SMCR8: variants seen among roughly 807,000 people sequenced by gnomAD.
SMCR8 encodes SMCR8-C9orf72 complex subunit, also known as guanine nucleotide exchange protein SMCR8.
A neutral mutation model predicts 56.6 loss-of-function variants in SMCR8; 30 were observed. That is an observed-to-expected ratio of 0.53 (90% CI 0.40 to 0.72). The LOEUF (loss-of-function observed/expected upper bound fraction) is 0.72, where lower values mean the gene tolerates loss of function less well. SMCR8 is among the 30% of genes least tolerant of loss of function. SMCR8 has a pLI of 0.00. For synonymous variants in SMCR8, 538 were observed against 456.0 expected (o/e 1.18, Z -2.29); for missense variants, 1,198 against 1,157.0 (o/e 1.04, Z -0.51).
Position 18,315,458 on chromosome 17 carries a change from T to C in SMCR8, c.-332T>C. 1 of 235,036 alleles carries C rather than the reference T, an allele frequency of 4.3e-6. No homozygotes were observed. The highest frequency in any genetic ancestry group is 8.4e-6 in the Non-Finnish European group (1 of 119,232). 14.6% of individuals were successfully genotyped at this position (235,036 alleles called of 1,614,324 possible). ...CCTTGTTCAGAGCGGGGGCTTTTGC[T>C]GTCGCAGTGGGTTCCGGAGAGTGCA... On this transcript the variant is annotated 5_prime_UTR_variant, in exon 1 of 2. Coordinates refer to ENST00000406438, the MANE Select transcript of SMCR8 (RefSeq NM_144775.3).
At chr17:18,322,533 G>A (rs745738593) in intron 1 of SMCR8, 84 bp from the exon 2 acceptor site, 2 of 1,266,374 alleles carry the variant, frequency 1.6e-6, no homozygotes, top group Non-Finnish European at 2.2e-6. Context: ...GCTGGCCTGG[G>A]GACAGGAGGC....
At chr17:18,321,360 G>A (rs530911996) in intron 1 of SMCR8, among the ~76,000 whole-genome samples, 1 of 152,312 alleles carries the variant, frequency 6.6e-6, no homozygotes, top group East Asian at 1.9e-4. Flanking sequence ...ATCAGGTGCA[G>A]TTCTGGGACC....
chr17:18,321,785 T>C (rs1982504576), intron 1 of SMCR8, among the ~76,000 whole-genome samples: 1 of 152,186 alleles, frequency 6.6e-6, no homozygotes. Flanking sequence ...TGAGTCATGA[T>C]CGTGCTACTG....
Position 18,317,313 on chromosome 17 carries a change from C to T in SMCR8, c.1524C>T (p.Ser508=), listed in dbSNP as rs781433641. 257 of 1,613,996 alleles carry T rather than the reference C, an allele frequency of 1.6e-4. No homozygotes were observed. Among genetic ancestry groups the T allele is most frequent in the Non-Finnish European group, 2.0e-4 (241 of 1,180,034 alleles). ...SPQVVRSKAV[S]HRTISEDSIE... is the part of the protein sequence containing the mutation. Reference sequence around the variant, plus strand: ...AGGTGGTCCGGAGCAAAGCAGTCAGCCACAGGACCATCAGCGAGGACAGTA... The same window carrying T: ...AGGTGGTCCGGAGCAAAGCAGTCAGTCACAGGACCATCAGCGAGGACAGTA... Residue 508 remains serine (S), a synonymous_variant, in exon 1 of 2, where the codon AGC becomes AGT. Transcript: ENST00000406438.
Position 18,316,043 on chromosome 17 carries a change from T to C in SMCR8, c.254T>C (p.Phe85Ser). Residue 85 changes from phenylalanine (F) to serine (S), a missense_variant, in exon 1 of 2, where the codon TTT becomes TCT. Phe to Ser is a radical substitution (Grantham distance 155). Coordinates refer to ENST00000406438, the MANE Select transcript of SMCR8 (RefSeq NM_144775.3). ...AATGACACCAAAGTTTTTGGCACTT[T>C]TGATCTCAATTACTTCTCCCTGCGT... Reference protein sequence around the residue: ...IPNDTKVFGTFDLNYFSLRIM... With the variant: ...IPNDTKVFGTSDLNYFSLRIM... 1 of 1,614,154 alleles carries C rather than the reference T, an allele frequency of 6.2e-7. No homozygotes were observed. The highest frequency in any genetic ancestry group is 8.5e-7 in the Non-Finnish European group (1 of 1,180,028).
Position 18,316,513 on chromosome 17 carries a change from T to A in SMCR8, c.724T>A (p.Ser242Thr). ...CAATGAACTGGCCAGTGTGGAGAAG[T>A]CCATCATTGAACATCAAGACCTGCT... Reference protein sequence around the residue: ...KANELASVEKSIIEHQDLLKQ... With the variant: ...KANELASVEKTIIEHQDLLKQ... Residue 242 changes from serine to threonine, a missense_variant, in exon 1 of 2, where the codon TCC becomes ACC. Ser to Thr is a moderately conservative substitution (Grantham distance 58). Coordinates refer to ENST00000406438, the MANE Select transcript of SMCR8 (RefSeq NM_144775.3). 6.2e-7 allele frequency: 1 copy of A among 1,614,104 alleles called. No homozygotes were observed. Among genetic ancestry groups the A allele is most frequent in the Non-Finnish European group, 8.5e-7 (1 of 1,180,020 alleles).
rs1982704456 is a variant in SMCR8 at position 18,327,488 on chromosome 17, T to A, written c.*4418T>A. 6.6e-6 allele frequency: 1 copy of A among 152,144 alleles called. No individual in the cohort carries two copies. The highest frequency in any genetic ancestry group is 6.5e-5 in the Admixed American group (1 of 15,276). 9.4% of individuals were successfully genotyped at this position (152,144 alleles called of 1,614,324 possible). ...AACTCACAGATTCTGCAGCAGCTGC[T>A]CCACCCACAATAAAGCAAACGCCGA... On this transcript the variant is annotated 3_prime_UTR_variant, in exon 2 of 2. Coordinates refer to ENST00000406438, the MANE Select transcript of SMCR8 (RefSeq NM_144775.3).
In SMCR8 at chr17:18,322,767, C is replaced by G. The variant is rs751616292; in HGVS notation, c.2511C>G (p.Ile837Met). 9 of 1,614,198 alleles carry G rather than the reference C, an allele frequency of 5.6e-6. No individual in the cohort carries two copies. The highest frequency in any genetic ancestry group is 7.6e-6 in the Non-Finnish European group (9 of 1,180,004). The change falls in exon 2 of 2, where the codon ATC becomes ATG. Residue 837 changes from isoleucine to methionine, a missense_variant. Coordinates refer to ENST00000406438, the MANE Select transcript of SMCR8 (RefSeq NM_144775.3). The stretch of plus-strand genomic sequence containing the variant: ...GCCTGGCAGACCACCGCACACAGAT[C>G]AAGCGGGGCAGCACCTACTACCTGC... ...VPRLADHRTQ[I>M]KRGSTYYLHV...
At position 18,325,320 on chromosome 17, in the gene SMCR8, T is replaced by C. The variant is rs1982618983; in HGVS notation, c.*2250T>C. 1 of 152,206 alleles carries C rather than the reference T, an allele frequency of 6.6e-6. No individual in the cohort carries two copies. Among genetic ancestry groups the C allele is most frequent in the Non-Finnish European group, 1.5e-5 (1 of 68,050 alleles). The allele number at this position is 152,206 out of a possible 1,614,324, so 9.4% of individuals were successfully genotyped here. On this transcript the variant is annotated 3_prime_UTR_variant, in exon 2 of 2. Transcript: ENST00000406438. ...AAGTGGTCCTAAGTAGAAGTCCACT[T>C]GAGGTATTTGCTGGCACACACCCTC...
chr17:18,317,455 C>T lies in SMCR8; in HGVS notation c.1666C>T (p.Arg556Cys). Residue 556 changes from arginine (R) to cysteine (C), a missense_variant, in exon 1 of 2, where the codon CGC becomes TGC. Arg to Cys is a radical substitution (Grantham distance 180, BLOSUM62 -3). Transcript: ENST00000406438. ...SYPDGNEGAI[R>C]FQASISPPEL... Reference sequence around the variant, plus strand: ...TCCAGATGGCAATGAAGGAGCCATCCGCTTCCAGGCAAGCATCAGTCCTCC... The same window carrying T: ...TCCAGATGGCAATGAAGGAGCCATCTGCTTCCAGGCAAGCATCAGTCCTCC... 4 of 1,614,084 alleles carry T rather than the reference C, an allele frequency of 2.5e-6. No homozygotes were observed. The highest frequency in any genetic ancestry group is 2.2e-5 in the East Asian group (1 of 44,890).
At position 18,315,888 on chromosome 17, in the gene SMCR8, G is replaced by A. The variant is rs1303246985; in HGVS notation, c.99G>A (p.Pro33=). ...EPALPEEYSV[P]LFPFASQGAN... ...CCCTGCCTGAGGAGTACTCGGTGCCGCTCTTCCCCTTCGCCAGTCAGGGTG... is the reference window on the plus strand; with the variant it reads ...CCCTGCCTGAGGAGTACTCGGTGCCACTCTTCCCCTTCGCCAGTCAGGGTG... The change falls in exon 1 of 2, where the codon CCG becomes CCA. Residue 33 remains proline, a synonymous_variant. Coordinates refer to ENST00000406438, the MANE Select transcript of SMCR8 (RefSeq NM_144775.3). 1 of 1,614,126 alleles carries A rather than the reference G, an allele frequency of 6.2e-7. No individual in the cohort carries two copies.
Position 18,318,137 on chromosome 17 carries a change from T to A in SMCR8, c.2348T>A (p.Ile783Asn). 6.2e-7 allele frequency: 1 copy of A among 1,612,104 alleles called. No homozygotes were observed. The highest frequency in any genetic ancestry group is 1.1e-5 in the South Asian group (1 of 91,036). The change falls in exon 1 of 2, where the codon ATT (isoleucine) becomes AAT (asparagine). Residue 783 changes from isoleucine to asparagine, a missense_variant. Physicochemically the swap from Ile to Asn is moderately radical, Grantham distance 149 (BLOSUM62 -3). Transcript: ENST00000406438. ...ATGGATTTTCAGAAGTGGAAGCTTA[T>A]TGGCTTGCAGAGGTAACTGGTTCCA... ...HIMDFQKWKL[I>N]GLQRVASPAG...
At chr17:18,318,233 C>T in intron 1 of SMCR8, 84 bp downstream of exon 1, 1 of 1,375,516 alleles carries the variant, frequency 7.3e-7, no homozygotes, top group East Asian at 2.3e-5. Flanking sequence ...ATCAGGAAGC[C>T]TGGCTTCTAG....
At position 18,317,685 on chromosome 17, in the gene SMCR8, G is replaced by C; in HGVS notation, c.1896G>C (p.Val632=). The change falls in exon 1 of 2, where the codon GTG becomes GTC. Residue 632 remains valine (V), a synonymous_variant. Coordinates refer to ENST00000406438, the MANE Select transcript of SMCR8 (RefSeq NM_144775.3). ...AGGGGTTCCGTGTAGACTTTTCAGT[G>C]GAAAATGCCAACCCTTCTTCCCGAG... ...KDQGFRVDFS[V]ENANPSSRDN... The C allele has an allele frequency of 6.2e-7, 1 of 1,614,188 alleles. No homozygotes were observed. Among genetic ancestry groups the C allele is most frequent in the African/African-American group, 1.3e-5 (1 of 75,052 alleles).
intron 1 of SMCR8, among the ~76,000 whole-genome samples, chr17:18,322,289 G>A (rs984108335): frequency 6.6e-6 from 1 of 152,206 alleles, no homozygotes; most frequent in East Asian, 1.9e-4. Flanking sequence ...GGGATTACAG[G>A]TGTGAGCCAT....
chr17:18,318,985 G>A (rs1296899025), intron 1 of SMCR8, among the ~76,000 whole-genome samples: 5 of 152,316 alleles, frequency 3.3e-5, no homozygotes, highest in South Asian at 2.1e-4. Flanking sequence ...GAGGTGCAGC[G>A]GGCAGGTGTG....
intron 1 of SMCR8, among the ~76,000 whole-genome samples, chr17:18,320,820 T>G (rs920278130): frequency 2.0e-5 from 3 of 152,120 alleles, no homozygotes; most frequent in Non-Finnish European, 4.4e-5. Context: ...GTGACCTTGC[T>G]TTTGCCGTGG....
chr17:18,321,687 C>T (rs1437580099), intron 1 of SMCR8, among the ~76,000 whole-genome samples: 2 of 152,106 alleles, frequency 1.3e-5, no homozygotes, highest in Non-Finnish European at 2.9e-5. Flanking sequence ...AAAAAATTAT[C>T]TGGGTGTGGT....
Position 18,318,035 on chromosome 17 carries a change from C to T in SMCR8, c.2246C>T (p.Ala749Val). Residue 749 changes from alanine (A) to valine (V), a missense_variant, in exon 1 of 2, where the codon GCA becomes GTA. Physicochemically the swap from Ala to Val is moderately conservative, Grantham distance 64. Coordinates refer to ENST00000406438, the MANE Select transcript of SMCR8 (RefSeq NM_144775.3). ...DEAIVRKLVT[A>V]LAIFVPSYGC... is the part of the protein sequence containing the mutation. Reference sequence around the variant, plus strand: ...GCCATAGTCAGGAAACTCGTGACTGCACTGGCTATCTTTGTCCCCAGCTAT... The same window carrying T: ...GCCATAGTCAGGAAACTCGTGACTGTACTGGCTATCTTTGTCCCCAGCTAT... 1 of 1,614,248 alleles carries T rather than the reference C, an allele frequency of 6.2e-7. No homozygotes were observed. Among genetic ancestry groups the T allele is most frequent in the Non-Finnish European group, 8.5e-7 (1 of 1,180,034 alleles).
Sources: gnomAD v4.1 joint callset for allele counts (sites outside exome capture counted in the v4.1 genomes callset) on GRCh38, gnomAD v4.1.1 for gene constraint, MANE v1.5 for transcripts, NCBI Gene and HGNC (gene_info 2026-07-23, HGNC 2026-07-21) for gene names.